The following SYTL3 variants were observed in gnomAD, a reference collection of about 807,000 sequenced individuals.
SYTL3 encodes synaptotagmin like 3, also known as synaptotagmin-like protein 3.
Under a neutral mutation model 82.1 loss-of-function variants are expected in SYTL3, and 88 were observed. The ratio of observed to expected loss-of-function variants is 1.07; its 90% CI spans 0.90 to 1.28. The LOEUF (loss-of-function observed/expected upper bound fraction) is 1.28. Ranked by LOEUF, SYTL3 falls within the 50% of genes most tolerant of loss-of-function variation. SYTL3 has a pLI of 0.00. For missense variants in SYTL3, 831 were observed against 757.6 expected (o/e 1.10, Z -1.14); for synonymous variants, 311 against 289.4 (o/e 1.07, Z -0.76).
intron 8 of SYTL3, among the ~76,000 whole-genome samples, chr6:158,710,114 C>T (rs1340606836): frequency 6.6e-6 from 1 of 152,226 alleles, no homozygotes; most frequent in East Asian, 1.9e-4. Flanking sequence ...AAACAGCATG[C>T]ATATTTTTGC....
At chr6:158,745,385 G>A in intron 11 of SYTL3, 95 bp from the exon 12 acceptor site, 1 of 1,087,448 alleles carries the variant, frequency 9.2e-7, no homozygotes, top group African/African-American at 1.6e-5. Flanking sequence ...GATACATGCT[G>A]TATGAGTTTT....
At chr6:158,721,184 T>C (rs1030218604) in intron 10 of SYTL3, among the ~76,000 whole-genome samples, 5 of 152,186 alleles carry the variant, frequency 3.3e-5, no homozygotes, top group Admixed American at 6.5e-5. Context: ...GCCTTCTCTC[T>C]CCCCACCTTA....
intron 6 of SYTL3, among the ~76,000 whole-genome samples, chr6:158,689,365 T>A (rs1779615301): frequency 6.6e-6 from 1 of 152,230 alleles, no homozygotes; most frequent in African/African-American, 2.4e-5. Context: ...TGATTTGAAT[T>A]CATCTCATCA....
intron 4 of SYTL3, 25 bp downstream of exon 4, chr6:158,663,403 A>G (rs1196480427): frequency 1.2e-5 from 19 of 1,610,594 alleles, no homozygotes; most frequent in Non-Finnish European, 1.4e-5. Context: ...CCGGGGGGTC[A>G]CTTTGGGTGT....
intron 13 of SYTL3, among the ~76,000 whole-genome samples, chr6:158,755,440 C>T (rs1476800680): frequency 6.6e-6 from 1 of 152,228 alleles, no homozygotes; most frequent in Non-Finnish European, 1.5e-5. Flanking sequence ...ATGCCCATCT[C>T]CATGGCCACA....
intron 8 of SYTL3, among the ~76,000 whole-genome samples, chr6:158,711,796 A>T (rs1231939466): frequency 6.6e-6 from 1 of 152,178 alleles, no homozygotes. Flanking sequence ...TGATGTTGCC[A>T]TGGCATTTGT....
At chr6:158,669,516 A>G (rs1777124546) in intron 5 of SYTL3, among the ~76,000 whole-genome samples, 1 of 152,212 alleles carries the variant, frequency 6.6e-6, no homozygotes, top group Non-Finnish European at 1.5e-5. Flanking sequence ...AACAATGATA[A>G]AGGTGCAACG....
At chr6:158,708,088 G>A (rs1782314308) in intron 7 of SYTL3, among the ~76,000 whole-genome samples, 1 of 152,134 alleles carries the variant, frequency 6.6e-6, no homozygotes, top group South Asian at 2.1e-4. Flanking sequence ...ACTGAGTGGG[G>A]CGGAGTACCC....
chr6:158,730,482 T>C (rs1785257607), intron 11 of SYTL3, among the ~76,000 whole-genome samples: 1 of 152,230 alleles, frequency 6.6e-6, no homozygotes, highest in African/African-American at 2.4e-5. Flanking sequence ...AACAAAATGG[T>C]GGCCCGTACG....
chr6:158,754,588 CG>C (rs1015979820), intron 13 of SYTL3, among the ~76,000 whole-genome samples: 1 of 152,168 alleles, frequency 6.6e-6, no homozygotes, highest in African/African-American at 2.4e-5. Context: ...GGCACAGTGG[CG>C]GGCACCTGTA....
chr6:158,730,559 C>T (rs1388458538), intron 11 of SYTL3, among the ~76,000 whole-genome samples: 2 of 152,180 alleles, frequency 1.3e-5, no homozygotes, highest in Admixed American at 6.5e-5. Flanking sequence ...TGCCTCGTTG[C>T]GGTGGCCTCT....
intron 5 of SYTL3, among the ~76,000 whole-genome samples, chr6:158,668,867 G>C (rs1777040502): frequency 6.6e-6 from 1 of 152,114 alleles, no homozygotes; most frequent in South Asian, 2.1e-4. Context: ...ACTGGATCAC[G>C]GGGCATCCGA....
chr6:158,762,114 G>A lies in SYTL3; in HGVS notation c.1453G>A (p.Val485Ile). The change falls in exon 16 of 18, where the codon GTA (valine) becomes ATA (isoleucine). Residue 485 changes from valine to isoleucine, a missense_variant. Physicochemically the swap from Val to Ile is conservative, Grantham distance 29 (BLOSUM62 3). Transcript: ENST00000611299. Reference sequence around the variant, plus strand: ...ATCACTTCATGGTCAACTTTGTTTGGTAGTGCTAGGAGCCAAGAATTTACC... The same window carrying A: ...ATCACTTCATGGTCAACTTTGTTTGATAGTGCTAGGAGCCAAGAATTTACC... The part of the protein sequence containing the change: ...QPSLHGQLCL[V>I]VLGAKNLPVR... 6.2e-7 allele frequency: 1 copy of A among 1,613,956 alleles called. No homozygotes were observed. Among genetic ancestry groups the A allele is most frequent in the Non-Finnish European group, 8.5e-7 (1 of 1,179,982 alleles).
At chr6:158,724,503 C>A (rs1784477692) in intron 10 of SYTL3, among the ~76,000 whole-genome samples, 1 of 152,194 alleles carries the variant, frequency 6.6e-6, no homozygotes, top group African/African-American at 2.4e-5. Flanking sequence ...GAGGTTTTCC[C>A]ACCTTGCCCA....
intron 13 of SYTL3, among the ~76,000 whole-genome samples, chr6:158,752,668 A>T (rs766795056): frequency 6.6e-6 from 1 of 152,176 alleles, no homozygotes; most frequent in African/African-American, 2.4e-5. Flanking sequence ...GGTGGCCCCA[A>T]TCTTGGTGCA....
At chr6:158,655,668 T>G (rs1418827959) in intron 2 of SYTL3, among the ~76,000 whole-genome samples, 1 of 152,216 alleles carries the variant, frequency 6.6e-6, no homozygotes, top group African/African-American at 2.4e-5. Context: ...CTGAGTGTAC[T>G]TATGAGCTGA....
intron 17 of SYTL3, among the ~76,000 whole-genome samples, chr6:158,763,767 A>G (rs1412976167): frequency 6.6e-6 from 1 of 152,212 alleles, no homozygotes; most frequent in Non-Finnish European, 1.5e-5. Context: ...TAGGTACAGT[A>G]TTTGCTTTTG....
At chr6:158,692,732 T>TGGAGACCATCTTGGCTAACGTGGTGAA (rs1167468994) in intron 6 of SYTL3, among the ~76,000 whole-genome samples, 5 of 146,268 alleles carry the variant, frequency 3.4e-5, no homozygotes, top group African/African-American at 1.3e-4. Flanking sequence ...GATCAGGAGA[T>TGGAGACCATCTTGGCTAACGTGGTGAA]GGAGACCATC....
intron 4 of SYTL3, among the ~76,000 whole-genome samples, chr6:158,663,924 C>T (rs1583153237): frequency 2.0e-5 from 3 of 152,196 alleles, no homozygotes; most frequent in East Asian, 3.9e-4. Flanking sequence ...TTCCTGACCG[C>T]TTTGCCAACA....
Sources: allele counts gnomAD v4.1 joint callset (sites outside exome capture counted in the v4.1 genomes callset), GRCh38; gene constraint gnomAD v4.1.1; transcripts MANE v1.5; gene names NCBI Gene and HGNC (gene_info 2026-07-23, HGNC 2026-07-21).